Variants in CSMD1 observed in about 807,000 individuals in gnomAD.
The protein encoded by CSMD1 is CUB and Sushi multiple domains 1.
In CSMD1, 213 loss-of-function variants were observed where a neutral mutation model predicts 417.5. That is an observed-to-expected ratio of 0.51 (90% CI 0.46 to 0.57). CSMD1 has a LOEUF of 0.57. Among genes scored for constraint, CSMD1 ranks in the 20% least tolerant of loss-of-function variants. CSMD1 has a pLI of 0.00. For synonymous variants in CSMD1, 2,862 were observed against 1,736.8 expected, an observed-to-expected ratio of 1.65 and a Z score of -16.11; for missense variants, 6,923 against 4,529.7, an observed-to-expected ratio of 1.53 and a Z score of -15.17.
At chr8:4,928,442 G>T (rs1255985310) in intron 1 of CSMD1, among the ~76,000 whole-genome samples, 1 of 152,168 alleles carries the variant, frequency 6.6e-6, no homozygotes, top group Non-Finnish European at 1.5e-5. Context: ...TACTAACATT[G>T]TTCCAAGTGC....
At chr8:4,431,490 C>T (rs925403579) in intron 2 of CSMD1, among the ~76,000 whole-genome samples, 1 of 152,026 alleles carries the variant, frequency 6.6e-6, no homozygotes, top group African/African-American at 2.4e-5. Context: ...AGTAGAGAGA[C>T]CAAGTAGAGA....
intron 1 of CSMD1, among the ~76,000 whole-genome samples, chr8:4,638,311 T>C (rs1316018608): frequency 6.6e-6 from 1 of 152,138 alleles, no homozygotes; most frequent in Non-Finnish European, 1.5e-5. Context: ...AACTGCAATA[T>C]GTGGTAATAA....
At chr8:3,527,716 G>A (rs528681769) in intron 10 of CSMD1, among the ~76,000 whole-genome samples, 1 of 152,232 alleles carries the variant, frequency 6.6e-6, no homozygotes, top group African/African-American at 2.4e-5. Flanking sequence ...CCTTACCACT[G>A]GTGGGAGGGG....
At chr8:3,295,036 C>T (rs185654451) in intron 25 of CSMD1, among the ~76,000 whole-genome samples, 2 of 152,288 alleles carry the variant, frequency 1.3e-5, no homozygotes, top group Admixed American at 1.3e-4. Flanking sequence ...ATATATTGTA[C>T]TACTCTGTGT....
At chr8:4,087,337 G>C (rs906977672) in intron 3 of CSMD1, among the ~76,000 whole-genome samples, 1 of 152,108 alleles carries the variant, frequency 6.6e-6, no homozygotes, top group Non-Finnish European at 1.5e-5. Context: ...ACTCCCCAGG[G>C]AACCACTTGC....
chr8:4,135,614 C>A (rs1229642943), intron 3 of CSMD1, among the ~76,000 whole-genome samples: 1 of 151,972 alleles, frequency 6.6e-6, no homozygotes, highest in East Asian at 1.9e-4. Flanking sequence ...ATTTAGTTTG[C>A]ACTGTTAATA....
chr8:4,160,467 C>T (rs1422682350), intron 3 of CSMD1, among the ~76,000 whole-genome samples: 4 of 152,132 alleles, frequency 2.6e-5, no homozygotes, highest in African/African-American at 9.7e-5. Context: ...AAGTGTTGGT[C>T]ATGTGTCTTC....
intron 1 of CSMD1, among the ~76,000 whole-genome samples, chr8:4,956,485 G>A (rs1008699544): frequency 2.0e-5 from 3 of 147,900 alleles, no homozygotes; most frequent in Admixed American, 1.4e-4. Context: ...AAATGCATAT[G>A]TGTATAAAAA....
intron 5 of CSMD1, among the ~76,000 whole-genome samples, chr8:3,959,019 G>A (rs183476244): frequency 0.01 from 1,591 of 152,192 alleles, 17 homozygotes; most frequent in Non-Finnish European, 0.017. Flanking sequence ...CCTACTCTGC[G>A]GCGGCTTCTC....
chr8:3,518,050 A>C (rs938488334), intron 10 of CSMD1, among the ~76,000 whole-genome samples: 2 of 152,192 alleles, frequency 1.3e-5, no homozygotes, highest in South Asian at 4.1e-4. Context: ...AAGATTTATC[A>C]TCAGATTCAA....
At chr8:4,049,413 A>T (rs1396632557) in intron 3 of CSMD1, among the ~76,000 whole-genome samples, 1 of 151,486 alleles carries the variant, frequency 6.6e-6, no homozygotes, top group East Asian at 1.9e-4. Context: ...TGCGGAGAAA[A>T]ATTACCCCCA....
intron 28 of CSMD1, among the ~76,000 whole-genome samples, chr8:3,221,332 A>G (rs1224265288): frequency 6.6e-6 from 1 of 152,174 alleles, no homozygotes; most frequent in Non-Finnish European, 1.5e-5. Flanking sequence ...AAGAAGGAAT[A>G]AAAGGTTGGA....
chr8:4,401,410 A>G (rs1485699456), intron 3 of CSMD1, among the ~76,000 whole-genome samples: 2 of 152,160 alleles, frequency 1.3e-5, no homozygotes, highest in Non-Finnish European at 2.9e-5. Flanking sequence ...TATGACCACA[A>G]CTATTTTATA....
intron 3 of CSMD1, among the ~76,000 whole-genome samples, chr8:4,168,506 A>G (rs889333681): frequency 1.3e-5 from 2 of 152,130 alleles, no homozygotes; most frequent in Non-Finnish European, 2.9e-5. Flanking sequence ...TCTAACATGC[A>G]ACACTAGATT....
chr8:4,145,190 G>C (rs1009282758), intron 3 of CSMD1, among the ~76,000 whole-genome samples: 4 of 150,988 alleles, frequency 2.6e-5, no homozygotes, highest in Admixed American at 6.6e-5. Flanking sequence ...TAAAACACTA[G>C]TACGTGTTTA....
intron 2 of CSMD1, among the ~76,000 whole-genome samples, chr8:4,490,187 C>G (rs1055870760): frequency 6.6e-6 from 1 of 151,888 alleles, no homozygotes; most frequent in Non-Finnish European, 1.5e-5. Flanking sequence ...ATTACAGGTG[C>G]CCGCCACTGC....
At chr8:4,529,148 A>G (rs1261544024) in intron 2 of CSMD1, among the ~76,000 whole-genome samples, 2 of 152,172 alleles carry the variant, frequency 1.3e-5, no homozygotes, top group African/African-American at 4.8e-5. Flanking sequence ...AGTATGTTCC[A>G]GGGACCCTTT....
At chr8:4,127,497 A>T (rs1427927321) in intron 3 of CSMD1, among the ~76,000 whole-genome samples, 6 of 150,926 alleles carry the variant, frequency 4.0e-5, no homozygotes, top group Admixed American at 1.3e-4. Flanking sequence ...ATAAAAACTA[A>T]CTTCAACTGC....
chr8:3,396,115 G>A (rs2116853386), intron 17 of CSMD1, 79 bp downstream of exon 17: 2 of 1,249,478 alleles, frequency 1.6e-6, no homozygotes, highest in East Asian at 2.5e-5. Flanking sequence ...GTCATCTGCA[G>A]GCTGGAAATA....
Sources: allele counts gnomAD v4.1 joint callset (sites outside exome capture counted in the v4.1 genomes callset), GRCh38; gene constraint gnomAD v4.1.1; transcripts MANE v1.5; gene names NCBI Gene and HGNC (gene_info 2026-07-23, HGNC 2026-07-21).